HPCAL1: variants seen among roughly 807,000 people sequenced by gnomAD.
The protein encoded by HPCAL1 is hippocalcin-like protein 1.
Under a neutral mutation model 17.1 loss-of-function variants are expected in HPCAL1, and 8 were observed. The ratio of observed to expected loss-of-function variants is 0.47; its 90% confidence interval spans 0.27 to 0.84. The LOEUF is 0.84. Ranked by LOEUF, HPCAL1 falls within the 40% of genes least tolerant of loss-of-function variation. The pLI is 0.13. For missense variants in HPCAL1, 165 were observed against 271.1 expected (o/e 0.61, Z 2.75); for synonymous variants, 112 against 111.4 (o/e 1.01, Z -0.03).
At chr2:10,398,705 C>T (rs1011498898) in intron 2 of HPCAL1, among the ~76,000 whole-genome samples, 2 of 152,118 alleles carry the variant, frequency 1.3e-5, no homozygotes, top group Non-Finnish European at 2.9e-5. Context: ...GATCTGCATC[C>T]CGTGGGTGGG....
intron 1 of HPCAL1, among the ~76,000 whole-genome samples, chr2:10,317,758 G>A (rs1663411397): frequency 6.6e-6 from 1 of 152,210 alleles, no homozygotes; most frequent in African/African-American, 2.4e-5. Context: ...CCTGGCCTGG[G>A]CACTGGGGAT....
intron 1 of HPCAL1, among the ~76,000 whole-genome samples, chr2:10,346,393 G>A (rs897953209): frequency 2.6e-5 from 4 of 152,232 alleles, no homozygotes; most frequent in Admixed American, 6.5e-5. Context: ...GGGCTTGGCT[G>A]TGGAGTCTTG....
At chr2:10,424,697 G>A (rs1051754885) in intron 4 of HPCAL1, 12 of 460,786 alleles carry the variant, frequency 2.6e-5, no homozygotes, top group Admixed American at 4.7e-5. Flanking sequence ...CAGGGGACCC[G>A]CCTGTCCCTG....
chr2:10,335,673 C>T (rs887610196), intron 1 of HPCAL1, among the ~76,000 whole-genome samples: 16 of 152,182 alleles, frequency 1.1e-4, no homozygotes, highest in African/African-American at 2.9e-4. Flanking sequence ...GGTATTCTCA[C>T]GCTCAACAGT....
At chr2:10,408,839 G>T (rs1011921631) in intron 2 of HPCAL1, 120 of 152,280 alleles carry the variant, frequency 7.9e-4, no homozygotes, top group African/African-American at 2.6e-3. Context: ...GTCCCTGTTT[G>T]GTAGCCCCAG....
chr2:10,320,755 C>G (rs1663625428), intron 1 of HPCAL1, among the ~76,000 whole-genome samples: 1 of 152,202 alleles, frequency 6.6e-6, no homozygotes, highest in African/African-American at 2.4e-5. Flanking sequence ...CATTCATTCA[C>G]TCACTCATTC....
At position 10,399,259 on chromosome 2, in the gene HPCAL1, C is replaced by T. The variant is rs1394009479; in HGVS notation, c.-25+2339C>T. Among the ~76,000 whole-genome samples, 85 of 66,878 alleles carry T rather than the reference C, an allele frequency of 1.3e-3. 1 individual carries two copies. The highest frequency in any genetic ancestry group is 0.016 in the Middle Eastern group (2 of 128). The allele number at this position is 66,878 out of a possible 152,430, so 43.9% of individuals were successfully genotyped here. On this transcript the variant is annotated intron_variant, in intron 2 of 4. Transcript: ENST00000307845. ...ACCACCATCACCACCACCACCACCA[C>T]CATCACCACCACCACCACCATCACC...
chr2:10,399,531 GCCA>G (rs1558518747), intron 2 of HPCAL1, among the ~76,000 whole-genome samples: 4 of 30,370 alleles, frequency 1.3e-4, no homozygotes, highest in African/African-American at 4.3e-4. Flanking sequence ...CACCGCCACT[GCCA>G]CCGCCACCAT....
At chr2:10,390,188 A>C (rs1347289799) in intron 1 of HPCAL1, among the ~76,000 whole-genome samples, 2 of 152,012 alleles carry the variant, frequency 1.3e-5, no homozygotes, top group Admixed American at 6.5e-5. Flanking sequence ...CCAGACCTTC[A>C]CCTGTGTGAA....
intron 2 of HPCAL1, chr2:10,406,272 A>T (rs1669962667): frequency 6.6e-6 from 1 of 151,800 alleles, no homozygotes; most frequent in Non-Finnish European, 1.5e-5. Context: ...CAGCTGGAGA[A>T]CTCCTGGAAC....
chr2:10,415,720 A>T (rs572538800), intron 2 of HPCAL1, among the ~76,000 whole-genome samples: 6 of 152,024 alleles, frequency 3.9e-5, no homozygotes, highest in Admixed American at 6.5e-5. Flanking sequence ...ATTCGGGGGG[A>T]GTCCAGAGCT....
chr2:10,422,596 G>A (rs1320362973), intron 3 of HPCAL1, among the ~76,000 whole-genome samples: 2 of 152,158 alleles, frequency 1.3e-5, no homozygotes, highest in Admixed American at 1.3e-4. Context: ...TTAAACTGAG[G>A]GGTAACAGCC....
At chr2:10,420,884 C>A (rs761692264) in intron 3 of HPCAL1, among the ~76,000 whole-genome samples, 2 of 152,186 alleles carry the variant, frequency 1.3e-5, no homozygotes, top group South Asian at 4.1e-4. Flanking sequence ...TCTCAGCCTC[C>A]CATGTAGCTG....
At chr2:10,322,510 C>T (rs890324549) in intron 1 of HPCAL1, among the ~76,000 whole-genome samples, 9 of 152,250 alleles carry the variant, frequency 5.9e-5, no homozygotes, top group Non-Finnish European at 1.0e-4. Context: ...CCAGCTGCCT[C>T]CCAACCAGGG....
rs34031495 is a variant in HPCAL1 at position 10,409,777 on chromosome 2, C to CTT, written c.-24-9928_-24-9927dup. Among the ~76,000 whole-genome samples, 156 of 62,524 alleles carry CTT rather than the reference C, an allele frequency of 2.5e-3. 17 individuals carry two copies. The highest frequency in any genetic ancestry group is 3.8e-3 in the Non-Finnish European group (133 of 35,460). The allele number at this position is 62,524 out of a possible 152,430, so 41.0% of individuals were successfully genotyped here. A position where few individuals can be genotyped will look rare whatever the true frequency, so the allele number is the denominator to read the frequency against. On this transcript the variant is annotated intron_variant, in intron 2 of 4. Coordinates refer to ENST00000307845, the MANE Select transcript of HPCAL1 (RefSeq NM_002149.4). ...CTCCAGCCTCTTCCTGAGCCTCAGT[C>CTT]TTTTTTTTTTTTTTTTTTTTTTTTT...
chr2:10,325,956 CTA>C (rs1663984217), intron 1 of HPCAL1, among the ~76,000 whole-genome samples: 1 of 152,182 alleles, frequency 6.6e-6, no homozygotes, highest in African/African-American at 2.4e-5. Flanking sequence ...TTTAAAAACT[CTA>C]TGCAGGAAAT....
rs2125498509 is a variant in HPCAL1 at position 10,365,840 on chromosome 2, T to C, written c.-110-30995T>C. 6.6e-6 allele frequency among the ~76,000 whole-genome samples: 1 copy of C among 152,286 alleles called. No individual in the cohort carries two copies. Among genetic ancestry groups the C allele is most frequent in the East Asian group, 1.9e-4 (1 of 5,184 alleles). ...GCATTCTGGGTTGAGGTCCTCTTGC[T>C]GCCTCTCTGTGAGCGAGCCTCGCCT... On this transcript the variant is annotated intron_variant, in intron 1 of 4. Transcript: ENST00000307845. The surrounding 1 kb of genome is among the most constrained non-coding windows in gnomAD (Gnocchi z 4.8).
rs1665199540 is a variant in HPCAL1, at chr2:10,343,134, T to G, written c.-111+39957T>G. Among the ~76,000 whole-genome samples the G allele has an allele frequency of 6.6e-6, 1 of 152,208 alleles. No individual in the cohort carries two copies. Among genetic ancestry groups the G allele is most frequent in the African/African-American group, 2.4e-5 (1 of 41,458 alleles). ...GCTCTGATGTGCAGTGGGTATGCAC[T>G]GGCAAGCCGTGCACTGTCACAATAT... is the stretch of plus-strand genomic sequence containing the variant. On this transcript the variant is annotated intron_variant, in intron 1 of 4. Coordinates refer to ENST00000307845, the MANE Select transcript of HPCAL1 (RefSeq NM_002149.4). The surrounding 1 kb of genome is among the most constrained non-coding windows in gnomAD (Gnocchi z 4.8).
chr2:10,396,523 C>T (rs554995245), intron 1 of HPCAL1, among the ~76,000 whole-genome samples: 2 of 152,306 alleles, frequency 1.3e-5, no homozygotes, highest in South Asian at 2.1e-4. Flanking sequence ...ACAGAGGTCC[C>T]GGCCACACTT....
Sources: gnomAD v4.1 joint callset for allele counts (sites outside exome capture counted in the v4.1 genomes callset) on GRCh38, gnomAD v4.1.1 for gene constraint, Gnocchi (gnomAD v3.1) non-coding constraint, MANE v1.5 for transcripts, NCBI Gene and HGNC (gene_info 2026-07-23, HGNC 2026-07-21) for gene names.